Variants in RYR2 observed in about 807,000 individuals in gnomAD.
RYR2 encodes the protein ryanodine receptor 2, also known as cardiac muscle ryanodine receptor-calcium release channel.
RYR2 carries 227 observed loss-of-function variants against 601.1 expected under a neutral mutation model. The observed-to-expected ratio is 0.38, with a 90% confidence interval of 0.34 to 0.42. The LOEUF (loss-of-function observed/expected upper bound fraction) is 0.42, where lower values mean the gene tolerates loss of function less well. Among genes scored for constraint, RYR2 ranks in the 10% least tolerant of loss-of-function variants. The pLI, the probability that RYR2 is intolerant of heterozygous loss-of-function variation, is 1.00. For synonymous variants in RYR2, 2,223 were observed against 2,175.1 expected, an observed-to-expected ratio of 1.02 and a Z score of -0.61; for missense variants, 4,646 against 6,156.5, an observed-to-expected ratio of 0.75 and a Z score of 8.21.
rs945549905 is a variant in RYR2 at position 237,424,272 on chromosome 1, G to A, written c.1005+1024G>A. On this transcript the variant is annotated intron_variant, in intron 12 of 104. Coordinates refer to ENST00000366574, the MANE Select transcript of RYR2 (RefSeq NM_001035.3). Reference sequence around the variant, plus strand: ...AAACTACTAACTAGCTTTCATCTTAGAAAGGCAAAACTTTGTTCTTTTAAA... The same window carrying A: ...AAACTACTAACTAGCTTTCATCTTAAAAAGGCAAAACTTTGTTCTTTTAAA... 5.9e-5 allele frequency among the ~76,000 whole-genome samples: 9 copies of A among 152,184 alleles called. 1 individual carries two copies. Among genetic ancestry groups the A allele is most frequent in the Admixed American group, 4.6e-4 (7 of 15,276 alleles).
At chr1:237,350,440 G>A (rs899009083) in intron 3 of RYR2, among the ~76,000 whole-genome samples, 6 of 150,866 alleles carry the variant, frequency 4.0e-5, no homozygotes, top group Non-Finnish European at 7.4e-5. Context: ...GCATGGTGGT[G>A]TGTGCCTGCA....
At chr1:237,273,105 C>A (rs1414178121) in intron 2 of RYR2, among the ~76,000 whole-genome samples, 2 of 151,986 alleles carry the variant, frequency 1.3e-5, no homozygotes, top group African/African-American at 4.8e-5. Flanking sequence ...ATAATAAATT[C>A]TAGAACTCAC....
At chr1:237,487,523 C>T (rs1329106554) in intron 17 of RYR2, among the ~76,000 whole-genome samples, 5 of 133,620 alleles carry the variant, frequency 3.7e-5, no homozygotes, top group Non-Finnish European at 6.1e-5. Flanking sequence ...CAAGACCAGT[C>T]TGGGCAACAT....
chr1:237,051,811 T>A (rs1281855963), intron 1 of RYR2, among the ~76,000 whole-genome samples: 1 of 152,188 alleles, frequency 6.6e-6, no homozygotes, highest in Non-Finnish European at 1.5e-5. Flanking sequence ...GTTTCAGACC[T>A]GGGCAGGCTG....
chr1:237,486,161 A>G (rs1662663805), intron 17 of RYR2, among the ~76,000 whole-genome samples: 2 of 152,162 alleles, frequency 1.3e-5, no homozygotes, highest in South Asian at 4.1e-4. Flanking sequence ...GAGAGAAGCA[A>G]TTTTACATAT....
chr1:237,739,992 C>T (rs183772684), intron 79 of RYR2, among the ~76,000 whole-genome samples: 1 of 152,126 alleles, frequency 6.6e-6, no homozygotes, highest in Non-Finnish European at 1.5e-5. Context: ...CACACCTGCC[C>T]CTTTATGTAT....
intron 71 of RYR2, 58 bp downstream of exon 71, chr1:237,711,895 T>C: frequency 4.9e-6 from 4 of 819,156 alleles, no homozygotes; most frequent in African/African-American, 1.7e-5. Context: ...CTTTCATGAA[T>C]TGACTTTTTT....
rs1020641717 is a variant in RYR2 at position 237,608,659 on chromosome 1, C to T, written c.4684-2103C>T. 7.9e-5 allele frequency among the ~76,000 whole-genome samples: 12 copies of T among 152,048 alleles called. 1 individual carries two copies. The highest frequency in any genetic ancestry group is 5.2e-4 in the Admixed American group (8 of 15,266). On this transcript the variant is annotated intron_variant, in intron 35 of 104. Transcript: ENST00000366574. ...TGGAGGCTGCTGTGAGCCGTGATTG[C>T]GCTGCTGCACTCCAGCCTGGGTGAC...
At chr1:237,747,302 C>T (rs1350681668) in intron 80 of RYR2, among the ~76,000 whole-genome samples, 1 of 152,178 alleles carries the variant, frequency 6.6e-6, no homozygotes, top group Non-Finnish European at 1.5e-5. Flanking sequence ...TTTTTCTGTA[C>T]TATTGATTAA....
chr1:237,496,444 G>A, intron 19 of RYR2, 67 bp from the exon 20 acceptor site: 1 of 1,585,342 alleles, frequency 6.3e-7, no homozygotes, highest in East Asian at 2.2e-5. Context: ...GAAATTGTGA[G>A]ATGTAAATGA....
chr1:237,402,721 C>T (rs987285687), intron 10 of RYR2, among the ~76,000 whole-genome samples: 2 of 147,224 alleles, frequency 1.4e-5, no homozygotes, highest in Non-Finnish European at 3.0e-5. Context: ...TTGATACCAG[C>T]CTGGACAACA....
intron 13 of RYR2, among the ~76,000 whole-genome samples, chr1:237,443,080 T>G (rs1335248308): frequency 6.6e-6 from 1 of 152,136 alleles, no homozygotes; most frequent in Admixed American, 6.6e-5. Context: ...CTCACAGTGT[T>G]CTCCCTGACC....
chr1:237,706,801 C>A, intron 67 of RYR2, 148 bp from the exon 68 acceptor site: 1 of 661,548 alleles, frequency 1.5e-6, no homozygotes, highest in South Asian at 1.8e-5. Flanking sequence ...AAATAGCTAC[C>A]TTGAAACACA....
chr1:237,572,070 C>T lies in RYR2; in HGVS notation c.3598+2751C>T, dbSNP rs1672756199. On this transcript the variant is annotated intron_variant, in intron 29 of 104. Transcript: ENST00000366574. ...CATTTTTTCTAACTATTTTTATACC[C>T]TTAATATCTATTTTGAACACTTATC... Among the ~76,000 whole-genome samples the T allele has an allele frequency of 4.6e-5, 7 of 152,068 alleles. No individual in the cohort carries two copies. The South Asian group carries it at 1.5e-3, about 32-fold the overall frequency.
chr1:237,382,041 C>G (rs542010862), intron 8 of RYR2, among the ~76,000 whole-genome samples: 117 of 152,244 alleles, frequency 7.7e-4, no homozygotes, highest in Admixed American at 1.7e-3. Context: ...TTATTTCAAA[C>G]TAAACAAAAT....
chr1:237,148,370 TG>T (rs1674247014), intron 1 of RYR2, among the ~76,000 whole-genome samples: 1 of 151,052 alleles, frequency 6.6e-6, no homozygotes, highest in African/African-American at 2.4e-5. Flanking sequence ...CTGGGGGATG[TG>T]GGGGAGAGCA....
chr1:237,384,278 T>TA (rs1230458519), intron 8 of RYR2, among the ~76,000 whole-genome samples: 2 of 152,244 alleles, frequency 1.3e-5, no homozygotes, highest in African/African-American at 2.4e-5. Context: ...GAAATTGCCT[T>TA]TTTAACTCCG....
At chr1:237,797,415 G>A (rs1659386944) in intron 96 of RYR2, among the ~76,000 whole-genome samples, 1 of 152,140 alleles carries the variant, frequency 6.6e-6, no homozygotes, top group African/African-American at 2.4e-5. Context: ...CAGGGGAGTG[G>A]GTTAGAAAGA....
chr1:237,321,541 A>C (rs1466900615), intron 2 of RYR2, among the ~76,000 whole-genome samples: 3 of 152,204 alleles, frequency 2.0e-5, no homozygotes, highest in African/African-American at 7.2e-5. Context: ...GTTCGATGTC[A>C]TTGAGTGATA....
Sources: allele counts gnomAD v4.1 joint callset (sites outside exome capture counted in the v4.1 genomes callset), GRCh38; gene constraint gnomAD v4.1.1; transcripts MANE v1.5; gene names NCBI Gene and HGNC (gene_info 2026-07-23, HGNC 2026-07-21).